TRDN: variants seen among roughly 807,000 people sequenced by gnomAD.
TRDN encodes triadin in skeletal muscle.
In TRDN, 161 loss-of-function variants were observed where a neutral mutation model predicts 149.7. The ratio of observed to expected loss-of-function variants is 1.08; its 90% CI spans 0.95 to 1.23. The LOEUF is 1.23. Among genes scored for constraint, TRDN ranks in the 50% most tolerant of loss-of-function variants. The probability of loss-of-function intolerance (pLI) is 0.00; values close to 1 mark genes in which losing one functional copy is unlikely to be tolerated. For synonymous variants in TRDN, 294 were observed against 250.5 expected (o/e 1.17, Z -1.64); for missense variants, 896 against 823.5 (o/e 1.09, Z -1.08).
intron 9 of TRDN, among the ~76,000 whole-genome samples, chr6:123,490,364 A>G (rs1046831025): frequency 2.2e-4 from 33 of 152,220 alleles, no homozygotes; most frequent in African/African-American, 8.0e-4. Flanking sequence ...GCGTGGATAC[A>G]TCGGACAAAG....
chr6:123,443,541 T>C (rs12193684), intron 10 of TRDN, among the ~76,000 whole-genome samples: 22,667 of 151,730 alleles, frequency 0.15, 2,401 homozygotes, highest in African/African-American at 0.3. Context: ...ACCTGTAATC[T>C]CAGCACTTTG....
At chr6:123,346,168 G>C (rs1582898958) in intron 21 of TRDN, among the ~76,000 whole-genome samples, 2 of 152,056 alleles carry the variant, frequency 1.3e-5, no homozygotes, top group African/African-American at 4.8e-5. Flanking sequence ...TAGGATTTTT[G>C]TAAAAATTAT....
At chr6:123,328,922 T>C (rs1380012324) in intron 23 of TRDN, among the ~76,000 whole-genome samples, 1 of 152,338 alleles carries the variant, frequency 6.6e-6, no homozygotes, top group Admixed American at 6.5e-5. Flanking sequence ...TTTGGCTTAC[T>C]ACCTTGTTTT....
At chr6:123,611,833 G>T (rs995146824) in intron 1 of TRDN, among the ~76,000 whole-genome samples, 2 of 152,098 alleles carry the variant, frequency 1.3e-5, no homozygotes, top group Non-Finnish European at 2.9e-5. Flanking sequence ...GAGATTTTTG[G>T]ATCAGTCAGA....
intron 2 of TRDN, among the ~76,000 whole-genome samples, chr6:123,560,012 G>T (rs947235117): frequency 2.0e-5 from 3 of 152,048 alleles, no homozygotes; most frequent in Non-Finnish European, 4.4e-5. Context: ...CAGACCCCAT[G>T]ACTTCAGTCT....
At chr6:123,486,131 C>CT (rs1241292715) in intron 9 of TRDN, among the ~76,000 whole-genome samples, 1 of 151,986 alleles carries the variant, frequency 6.6e-6, no homozygotes, top group African/African-American at 2.4e-5. Flanking sequence ...CATAAGATGA[C>CT]TTAAATTACG....
intron 2 of TRDN, among the ~76,000 whole-genome samples, chr6:123,551,505 T>C (rs1428669572): frequency 6.6e-6 from 1 of 152,010 alleles, no homozygotes; most frequent in Non-Finnish European, 1.5e-5. Context: ...TGATGTCTTT[T>C]TTTAAGAAGA....
chr6:123,516,876 T>G (rs1277230256), intron 5 of TRDN, among the ~76,000 whole-genome samples: 18 of 152,108 alleles, frequency 1.2e-4, no homozygotes, highest in Admixed American at 2.6e-4. Context: ...TTCTCTTATA[T>G]TTTTCCTTTT....
At chr6:123,446,865 G>T (rs1313901675) in intron 10 of TRDN, among the ~76,000 whole-genome samples, 2 of 148,878 alleles carry the variant, frequency 1.3e-5, no homozygotes, top group Admixed American at 1.3e-4. Flanking sequence ...AAATTGAAAG[G>T]GAGAAGACTT....
intron 1 of TRDN, among the ~76,000 whole-genome samples, chr6:123,617,111 A>G (rs1785130831): frequency 6.6e-6 from 1 of 152,134 alleles, no homozygotes; most frequent in African/African-American, 2.4e-5. Flanking sequence ...ATTTTTTTTA[A>G]CCACAGCAGT....
intron 1 of TRDN, among the ~76,000 whole-genome samples, chr6:123,602,161 G>A (rs1217507969): frequency 2.6e-5 from 4 of 151,926 alleles, no homozygotes; most frequent in African/African-American, 9.7e-5. Flanking sequence ...AAATAAGTTT[G>A]AATAAAAATA....
intron 9 of TRDN, among the ~76,000 whole-genome samples, chr6:123,494,054 G>T (rs9490787): frequency 1.3e-5 from 2 of 151,942 alleles, no homozygotes; most frequent in African/African-American, 2.4e-5. Flanking sequence ...AGAAATACTC[G>T]CTTTTCAAGT....
At chr6:123,577,773 C>T (rs866900233) in intron 1 of TRDN, among the ~76,000 whole-genome samples, 1 of 152,076 alleles carries the variant, frequency 6.6e-6, no homozygotes, top group Non-Finnish European at 1.5e-5. Flanking sequence ...TATAAGTGTT[C>T]CCTTTTCTTT....
At chr6:123,322,326 T>C (rs1582870093) in intron 23 of TRDN, among the ~76,000 whole-genome samples, 2 of 152,080 alleles carry the variant, frequency 1.3e-5, no homozygotes, top group East Asian at 3.9e-4. Flanking sequence ...AAGCAAACAA[T>C]TCCTCAGTTT....
At chr6:123,356,625 A>G (rs1780695302) in intron 20 of TRDN, among the ~76,000 whole-genome samples, 1 of 147,234 alleles carries the variant, frequency 6.8e-6, no homozygotes, top group Non-Finnish European at 1.5e-5. Flanking sequence ...CTCTTTTTCT[A>G]TTCTCTGGAA....
At chr6:123,383,413 C>A (rs371741840) in intron 14 of TRDN, among the ~76,000 whole-genome samples, 2 of 151,976 alleles carry the variant, frequency 1.3e-5, no homozygotes, top group African/African-American at 4.8e-5. Context: ...GTGGTAATTC[C>A]ATTTCTAGAA....
intron 38 of TRDN, among the ~76,000 whole-genome samples, chr6:123,250,655 G>T (rs1776342180): frequency 6.6e-6 from 1 of 151,870 alleles, no homozygotes; most frequent in South Asian, 2.1e-4. Flanking sequence ...ATGGATCACA[G>T]AAATGATATA....
chr6:123,614,298 A>C (rs1200960502), intron 1 of TRDN, among the ~76,000 whole-genome samples: 1 of 136,028 alleles, frequency 7.4e-6, no homozygotes, highest in Admixed American at 7.0e-5. Context: ...TAAAAAAAAA[A>C]ACAAAAAAAA....
chr6:123,625,731 C>CTCTG (rs1275254525), intron 1 of TRDN, among the ~76,000 whole-genome samples: 1 of 152,148 alleles, frequency 6.6e-6, no homozygotes, highest in African/African-American at 2.4e-5. Flanking sequence ...TATACACCTA[C>CTCTG]TCTGAGCCAA....
Sources: gnomAD v4.1 joint callset for allele counts (sites outside exome capture counted in the v4.1 genomes callset) on GRCh38, gnomAD v4.1.1 for gene constraint, MANE v1.5 for transcripts, NCBI Gene and HGNC (gene_info 2026-07-23, HGNC 2026-07-21) for gene names.